The following TSEN15 variants were observed in gnomAD, a reference collection of about 807,000 sequenced individuals.
TSEN15 encodes tRNA-splicing endonuclease subunit Sen15.
A neutral mutation model predicts 20.5 loss-of-function variants in TSEN15; 10 were observed. The observed-to-expected ratio is 0.49, with a 90% confidence interval of 0.30 to 0.83. The LOEUF (loss-of-function observed/expected upper bound fraction) is 0.83. TSEN15 is among the 40% of genes least tolerant of loss of function. TSEN15 has a pLI of 0.06. For missense variants in TSEN15, 180 were observed against 218.6 expected, an observed-to-expected ratio of 0.82 and a Z score of 1.11; for synonymous variants, 72 against 80.1, an observed-to-expected ratio of 0.90 and a Z score of 0.54.
At chr1:184,081,468 T>C (rs1266134528) in intron 3 of TSEN15, among the ~76,000 whole-genome samples, 1 of 152,138 alleles carries the variant, frequency 6.6e-6, no homozygotes, top group Non-Finnish European at 1.5e-5. Flanking sequence ...CACGTTTCAC[T>C]AGCCAAAGGA....
At chr1:184,082,889 T>A (rs1651195688) in intron 3 of TSEN15, among the ~76,000 whole-genome samples, 1 of 152,048 alleles carries the variant, frequency 6.6e-6, no homozygotes, top group Non-Finnish European at 1.5e-5. Context: ...AGAAAGCCTG[T>A]ATGGGAAAAA....
At chr1:184,095,651 CTCTCTCTCTCTCTCTCTGTG>C (rs1463377649) in intron 3 of TSEN15, 9 of 396,774 alleles carry the variant, frequency 2.3e-5, no homozygotes, top group Non-Finnish European at 4.0e-5. Flanking sequence ...CTCTCTCTCT[CTCTCTCTCTCTCTCTCTGTG>C]TCTCTCTCTC....
intron 3 of TSEN15, among the ~76,000 whole-genome samples, chr1:184,061,876 G>T (rs532509709): frequency 7.9e-5 from 12 of 152,216 alleles, no homozygotes; most frequent in African/African-American, 2.9e-4. Flanking sequence ...GGGTGAATGT[G>T]TATTTGAATG....
chr1:184,059,536 A>C (rs1334791890), intron 3 of TSEN15, among the ~76,000 whole-genome samples: 2 of 152,048 alleles, frequency 1.3e-5, no homozygotes, highest in African/African-American at 4.8e-5. Context: ...CATGTATGAG[A>C]GTTTTCCTAA....
At chr1:184,077,886 A>G (rs1651093749), downstream of TSEN15, among the ~76,000 whole-genome samples, 1 of 152,174 alleles carries the variant, frequency 6.6e-6, no homozygotes, top group African/African-American at 2.4e-5. Context: ...TGGTTTCTTG[A>G]GATGGAATCT....
chr1:184,082,101 G>A (rs1182666846), intron 3 of TSEN15, among the ~76,000 whole-genome samples: 1 of 152,178 alleles, frequency 6.6e-6, no homozygotes, highest in East Asian at 1.9e-4. Flanking sequence ...GGGATGGATA[G>A]TTGTTTATGT....
chr1:184,091,334 G>A (rs1480546696), intron 3 of TSEN15, among the ~76,000 whole-genome samples: 1 of 151,586 alleles, frequency 6.6e-6, no homozygotes, highest in African/African-American at 2.4e-5. Context: ...TTATATATAT[G>A]GTATAGTATA....
chr1:184,053,781 A>G (rs1162166445), intron 1 of TSEN15, among the ~76,000 whole-genome samples: 1 of 152,212 alleles, frequency 6.6e-6, no homozygotes, highest in Non-Finnish European at 1.5e-5. Flanking sequence ...GAGTGGGTAG[A>G]GAGGCTAGGA....
At chr1:184,083,526 A>G (rs1651207204) in intron 3 of TSEN15, among the ~76,000 whole-genome samples, 1 of 152,206 alleles carries the variant, frequency 6.6e-6, no homozygotes, top group Non-Finnish European at 1.5e-5. Flanking sequence ...AACTCTACTT[A>G]GAAATGGTAA....
intron 3 of TSEN15, chr1:184,094,908 C>G (rs1165165796): frequency 5.0e-6 from 2 of 397,412 alleles, no homozygotes; most frequent in Non-Finnish European, 8.9e-6. Context: ...AGCTCCCAGG[C>G]TGGAGGTGGC....
At chr1:184,063,147 G>T (rs1650527438) in intron 3 of TSEN15, among the ~76,000 whole-genome samples, 1 of 152,000 alleles carries the variant, frequency 6.6e-6, no homozygotes, top group Admixed American at 6.6e-5. Context: ...TCAAATAGTG[G>T]CATTTCTTTT....
downstream of TSEN15, among the ~76,000 whole-genome samples, chr1:184,078,138 C>T (rs1243336872): frequency 6.6e-6 from 1 of 152,118 alleles, no homozygotes; most frequent in African/African-American, 2.4e-5. Flanking sequence ...GCCACCGCAA[C>T]CTTCAGCAAC....
Position 184,051,851 on chromosome 1 carries a change from G to T in TSEN15, c.96G>T (p.Ser32=). ...TTGGCGACGGCGGTGGAGCTCCTTC[G>T]TGGGCCCCTGAGGACGCCTGGATGG... The part of the protein sequence containing the change: ...RGFGDGGGAP[S]WAPEDAWMGT... Residue 32 remains serine, a synonymous_variant, in exon 1 of 5, where the codon TCG becomes TCT. Transcript: ENST00000645668. 3.9e-6 allele frequency: 6 copies of T among 1,552,336 alleles called. No individual in the cohort carries two copies. The highest frequency in any genetic ancestry group is 5.2e-6 in the Non-Finnish European group (6 of 1,148,942).
chr1:184,075,077 C>G (rs1014714450), downstream of TSEN15, among the ~76,000 whole-genome samples: 8 of 152,132 alleles, frequency 5.3e-5, no homozygotes, highest in Non-Finnish European at 1.2e-4. Context: ...AGGATAATGT[C>G]AGATTTGTGT....
downstream of TSEN15, among the ~76,000 whole-genome samples, chr1:184,075,243 T>C (rs756295633): frequency 2.6e-5 from 4 of 152,136 alleles, no homozygotes; most frequent in Non-Finnish European, 5.9e-5. Flanking sequence ...GTTCCCTGTG[T>C]ACTTCACCAA....
chr1:184,075,452 T>G (rs768595932), downstream of TSEN15, among the ~76,000 whole-genome samples: 7 of 152,304 alleles, frequency 4.6e-5, no homozygotes, highest in Non-Finnish European at 7.4e-5. Context: ...AGAAATGTAT[T>G]TTTTAATACA....
chr1:184,058,085 CCT>C, intron 3 of TSEN15: 1 of 374,134 alleles, frequency 2.7e-6, no homozygotes, highest in Middle Eastern at 4.9e-4. Flanking sequence ...AAAGCAATAG[CCT>C]ATTTTAATCA....
At chr1:184,085,867 TGAG>T (rs1302532627) in intron 3 of TSEN15, among the ~76,000 whole-genome samples, 2 of 152,156 alleles carry the variant, frequency 1.3e-5, no homozygotes, top group African/African-American at 4.8e-5. Flanking sequence ...GTCAAGGAAC[TGAG>T]TAGTTCTGTC....
At chr1:184,072,666 T>G in intron 4 of TSEN15, 161 bp from the exon 5 acceptor site, 2 of 677,526 alleles carry the variant, frequency 3.0e-6, no homozygotes, top group Non-Finnish European at 5.0e-6. Context: ...TTGGTTGACA[T>G]TTTGACAGGA....
Sources: gnomAD v4.1 joint callset for allele counts (sites outside exome capture counted in the v4.1 genomes callset) on GRCh38, gnomAD v4.1.1 for gene constraint, MANE v1.5 for transcripts, NCBI Gene and HGNC (gene_info 2026-07-23, HGNC 2026-07-21) for gene names.